TEC: variants seen among roughly 807,000 people sequenced by gnomAD.
The protein encoded by TEC is tyrosine-protein kinase Tec.
TEC carries 72 observed loss-of-function variants against 93.0 expected under a neutral mutation model. That is an observed-to-expected ratio of 0.77 (90% confidence interval 0.64 to 0.94). The LOEUF (loss-of-function observed/expected upper bound fraction) is 0.94. Ranked by LOEUF, TEC falls within the 40% of genes least tolerant of loss-of-function variation. TEC has a pLI of 0.00. For missense variants in TEC, 630 were observed against 757.9 expected (o/e 0.83, Z 1.98); for synonymous variants, 249 against 247.7 (o/e 1.01, Z -0.05).
chr4:48,170,728 A>G (rs1721066495), intron 4 of TEC, among the ~76,000 whole-genome samples: 3 of 152,214 alleles, frequency 2.0e-5, no homozygotes. Flanking sequence ...CACACCAAAT[A>G]TTGACTACAT....
chr4:48,155,527 T>C (rs1272073850), intron 9 of TEC, among the ~76,000 whole-genome samples: 2 of 152,230 alleles, frequency 1.3e-5, no homozygotes, highest in Non-Finnish European at 2.9e-5. Flanking sequence ...GCTACATCTA[T>C]GACTGAAGAA....
chr4:48,171,294 G>C, intron 4 of TEC, 74 bp downstream of exon 4: 1 of 1,213,234 alleles, frequency 8.2e-7, no homozygotes, highest in Non-Finnish European at 1.2e-6. Flanking sequence ...TACATTAGCT[G>C]TATTTCTGTC....
chr4:48,191,869 T>C (rs1722103720), intron 2 of TEC, among the ~76,000 whole-genome samples: 1 of 152,114 alleles, frequency 6.6e-6, no homozygotes, highest in African/African-American at 2.4e-5. Context: ...TTGAACTCAG[T>C]TCAAGGCTGC....
At chr4:48,261,018 A>G (rs1056000543) in intron 1 of TEC, among the ~76,000 whole-genome samples, 16 of 152,232 alleles carry the variant, frequency 1.1e-4, no homozygotes, top group African/African-American at 3.4e-4. Flanking sequence ...AGGAGAGTCC[A>G]AGGAGCACAC....
chr4:48,251,148 T>C (rs1409134482), intron 1 of TEC, among the ~76,000 whole-genome samples: 5 of 152,102 alleles, frequency 3.3e-5, no homozygotes, highest in African/African-American at 1.2e-4. Context: ...AAACCCATAC[T>C]CCTTAACCTA....
At chr4:48,216,818 A>G (rs569585283) in intron 2 of TEC, among the ~76,000 whole-genome samples, 3 of 152,344 alleles carry the variant, frequency 2.0e-5, no homozygotes, top group East Asian at 1.9e-4. Flanking sequence ...CTGAACAACA[A>G]TGCTGATTTT....
rs948539966 is a variant in TEC at position 48,168,495 on chromosome 4, G to T, written c.495+91C>A. Reference sequence around the variant, plus strand: ...ATTGTGTCACATCAATGAATAAACCGCATACTCAGTAAGTCACAAACACTA... The same window carrying T: ...ATTGTGTCACATCAATGAATAAACCTCATACTCAGTAAGTCACAAACACTA... On this transcript the variant is annotated intron_variant, in intron 6 of 17. Transcript: ENST00000381501. The T allele has an allele frequency of 6.0e-6, 8 of 1,329,982 alleles. No individual in the cohort carries two copies. In the East Asian group the frequency reaches 1.4e-4, roughly 23 times the overall value. The allele number at this position is 1,329,982 out of a possible 1,614,324, so 82.4% of individuals were successfully genotyped here.
chr4:48,246,849 GT>G (rs2109663705), intron 1 of TEC, among the ~76,000 whole-genome samples: 1 of 152,210 alleles, frequency 6.6e-6, no homozygotes, highest in Admixed American at 6.5e-5. Flanking sequence ...TTAAGCAATG[GT>G]TTCTTAAATA....
At chr4:48,245,898 A>G (rs2704392) in intron 1 of TEC, among the ~76,000 whole-genome samples, 117,893 of 151,972 alleles carry the variant, frequency 0.78, 46,592 homozygotes, top group African/African-American at 0.93. Context: ...ATCACTTGAG[A>G]TCAGGAGTTT....
At chr4:48,229,536 C>T (rs1042612557) in intron 1 of TEC, among the ~76,000 whole-genome samples, 2 of 152,242 alleles carry the variant, frequency 1.3e-5, no homozygotes, top group Admixed American at 6.5e-5. Context: ...CGCCTGTTAT[C>T]CCAGCACTTT....
intron 1 of TEC, among the ~76,000 whole-genome samples, chr4:48,230,586 C>T (rs972685886): frequency 1.3e-5 from 2 of 152,166 alleles, no homozygotes; most frequent in South Asian, 2.1e-4. Context: ...TCCATCACTC[C>T]CATTGGATCA....
chr4:48,228,559 T>G lies in TEC; in HGVS notation c.56A>C (p.Lys19Thr). ...TTTGTAGTTTAAGGGCGATGTCTTC[T>G]TTTTCTGCTGTGACCTTTTAATAAG... ...EILIKRSQQK[K>T]KTSPLNYKER... The change falls in exon 2 of 18, where the codon AAG (lysine) becomes ACG (threonine). Residue 19 changes from lysine to threonine, a missense_variant. By Grantham distance (78) the Lys-to-Thr change is moderately conservative (BLOSUM62 -1). Transcript: ENST00000381501. 6.2e-7 allele frequency: 1 copy of G among 1,613,930 alleles called. No individual in the cohort carries two copies. The highest frequency in any genetic ancestry group is 8.5e-7 in the Non-Finnish European group (1 of 1,179,972).
Position 48,146,338 on chromosome 4 carries a change from T to C in TEC, c.1068A>G (p.Ala356=). 1 of 1,613,790 alleles carries C rather than the reference T, an allele frequency of 6.2e-7. No individual in the cohort carries two copies. The highest frequency in any genetic ancestry group is 1.7e-4 in the Middle Eastern group (1 of 6,060). ...AATAAGAGTTACCATAGCTGAATCC[T>C]GCAGTGGTGGGTGCATTCTTCCCTT... is the stretch of plus-strand genomic sequence containing the variant. ...SVKGKNAPTT[A]GFSYEKWEIN... Residue 356 remains alanine (A), a synonymous_variant, in exon 12 of 18, where the codon GCA becomes GCG. Transcript: ENST00000381501.
intron 2 of TEC, among the ~76,000 whole-genome samples, chr4:48,202,613 T>C (rs1041714196): frequency 1.3e-5 from 2 of 152,216 alleles, no homozygotes; most frequent in Non-Finnish European, 2.9e-5. Flanking sequence ...TTACTAACTT[T>C]TCTTCAAGGC....
chr4:48,152,435 C>A (rs1720210658), intron 9 of TEC, among the ~76,000 whole-genome samples: 1 of 149,624 alleles, frequency 6.7e-6, no homozygotes, highest in Admixed American at 6.7e-5. Flanking sequence ...GAGATACTAT[C>A]ATAAATAAAT....
intron 2 of TEC, among the ~76,000 whole-genome samples, chr4:48,178,396 AGTTAAAAAGACACAATG>A (rs1325996624): frequency 6.6e-6 from 1 of 152,174 alleles, no homozygotes; most frequent in Non-Finnish European, 1.5e-5. Flanking sequence ...CTAAGAGAAA[AGTTAAAAAGACACAATG>A]GTTGAGACAC....
intron 2 of TEC, among the ~76,000 whole-genome samples, chr4:48,179,368 ATATATATATTTTTTT>A (rs1721485207): frequency 2.7e-5 from 1 of 37,678 alleles, no homozygotes; most frequent in East Asian, 1.6e-3. Context: ...ATATATATAT[ATATATATATTTTTTT>A]TTTTTTTTTT....
chr4:48,184,078 T>C (rs1156392549), intron 2 of TEC, among the ~76,000 whole-genome samples: 1 of 152,218 alleles, frequency 6.6e-6, no homozygotes, highest in African/African-American at 2.4e-5. Flanking sequence ...AGCTAACAAT[T>C]ATAGAACACT....
intron 17 of TEC, 43 bp from the exon 18 acceptor site, chr4:48,137,542 A>G: frequency 1.3e-6 from 2 of 1,563,710 alleles, no homozygotes; most frequent in Middle Eastern, 1.7e-4. Context: ...TCCAGAATCC[A>G]TTCCACAAAA....
Sources: allele counts gnomAD v4.1 joint callset (sites outside exome capture counted in the v4.1 genomes callset), GRCh38; gene constraint gnomAD v4.1.1; transcripts MANE v1.5; gene names NCBI Gene and HGNC (gene_info 2026-07-23, HGNC 2026-07-21).